VPS54: variants seen among roughly 807,000 people sequenced by gnomAD.
VPS54 encodes VPS54 subunit of GARP complex.
Under a neutral mutation model 121.5 loss-of-function variants are expected in VPS54, and 45 were observed. That is an observed-to-expected ratio of 0.37 (90% CI 0.29 to 0.47). VPS54 has a LOEUF of 0.47. VPS54 is among the 20% of genes least tolerant of loss of function. The probability of loss-of-function intolerance (pLI) is 0.99; values close to 1 mark genes in which losing one functional copy is unlikely to be tolerated. For missense variants in VPS54, 1,090 were observed against 1,131.4 expected, an observed-to-expected ratio of 0.96 and a Z score of 0.52; for synonymous variants, 371 against 385.8, an observed-to-expected ratio of 0.96 and a Z score of 0.45.
chr2:63,958,764 C>T (rs1210423121), intron 7 of VPS54, among the ~76,000 whole-genome samples: 2 of 152,074 alleles, frequency 1.3e-5, no homozygotes, highest in East Asian at 3.9e-4. Context: ...ACAGTATAGC[C>T]AAAAGCAAAA....
Position 63,893,206 on chromosome 2 carries a change from A to G in VPS54, c.*224T>C. Reference sequence around the variant, plus strand: ...TTCCAGAGAGAATGAAAAATGTTATAGACACCTGATCAGTTACTCCTCACT... The same window carrying G: ...TTCCAGAGAGAATGAAAAATGTTATGGACACCTGATCAGTTACTCCTCACT... On this transcript the variant is annotated 3_prime_UTR_variant, in exon 23 of 23. Coordinates refer to ENST00000272322, the MANE Select transcript of VPS54 (RefSeq NM_016516.3). 1.7e-6 allele frequency: 1 copy of G among 584,914 alleles called. No individual in the cohort carries two copies. The allele number at this position is 584,914 out of a possible 1,614,324, so 36.2% of individuals were successfully genotyped here.
Position 63,983,972 on chromosome 2 carries a change from C to A in VPS54, c.28G>T (p.Val10Leu). The change falls in exon 2 of 23, where the codon GTG (valine) becomes TTG (leucine). Residue 10 changes from valine to leucine, a missense_variant. Around this residue, in one of 2 missense-constraint regions of VPS54, gnomAD observed 801 missense variants for 757.0 expected, o/e 1.06. Transcript: ENST00000272322. ...ACATCACTGCTGCTTCCTTGAGGCA[C>A]TGGTGAAGAACTGTGGCTTGAAGCC... is the stretch of plus-strand genomic sequence containing the variant. MASSHSSSP[V>L]PQGSSSDVFF... 1.2e-6 allele frequency: 2 copies of A among 1,613,164 alleles called. No homozygotes were observed. Among genetic ancestry groups the A allele is most frequent in the Non-Finnish European group, 1.7e-6 (2 of 1,179,498 alleles).
chr2:64,000,836 C>A (rs766376369), intron 1 of VPS54, among the ~76,000 whole-genome samples: 1 of 152,180 alleles, frequency 6.6e-6, no homozygotes, highest in Non-Finnish European at 1.5e-5. Flanking sequence ...GAAGCCAGCA[C>A]AGCACTGAGT....
At chr2:63,932,970 T>C (rs1674283233) in intron 12 of VPS54, among the ~76,000 whole-genome samples, 1 of 152,120 alleles carries the variant, frequency 6.6e-6, no homozygotes, top group East Asian at 1.9e-4. Context: ...GGGATAATAG[T>C]GCATCATGTC....
chr2:63,979,242 T>G (rs1278491486), intron 3 of VPS54, among the ~76,000 whole-genome samples: 1 of 127,856 alleles, frequency 7.8e-6, no homozygotes, highest in Non-Finnish European at 1.6e-5. Flanking sequence ...TTTCTGTTTG[T>G]TTTTTTTTTT....
chr2:63,901,527 G>C (rs1225169963), intron 20 of VPS54, among the ~76,000 whole-genome samples: 1 of 152,214 alleles, frequency 6.6e-6, no homozygotes, highest in African/African-American at 2.4e-5. Flanking sequence ...GGATCAAAGG[G>C]AGAAGATCAT....
chr2:63,893,356 C>G lies in VPS54; in HGVS notation c.*74G>C, dbSNP rs751469442. 2.3e-6 allele frequency: 3 copies of G among 1,298,858 alleles called. No individual in the cohort carries two copies. In the African/African-American group the frequency reaches 4.4e-5, roughly 19 times the overall value. 80.5% of individuals were successfully genotyped at this position (1,298,858 alleles called of 1,614,324 possible). On this transcript the variant is annotated 3_prime_UTR_variant, in exon 23 of 23. Transcript: ENST00000272322. ...TGGGTTTCAGGTTCAATTCTCGAAT[C>G]ACAGGCATCCAGATTTTCTTCATAA...
Position 63,921,287 on chromosome 2 carries a change from T to C in VPS54, c.1788A>G (p.Ala596=). ...TATATAATAATTCCTGGATATTATT[T>C]GCCAGCTTTCCTAGCTCTGAGTCAG... ...KLTDSELGKL[A]NNIQELLYSA... The change falls in exon 13 of 23, where the codon GCA becomes GCG. Residue 596 remains alanine, a synonymous_variant. Coordinates refer to ENST00000272322, the MANE Select transcript of VPS54 (RefSeq NM_016516.3). The C allele has an allele frequency of 6.2e-7, 1 of 1,613,338 alleles. No individual in the cohort carries two copies. Among genetic ancestry groups the C allele is most frequent in the Non-Finnish European group, 8.5e-7 (1 of 1,179,564 alleles).
intron 12 of VPS54, among the ~76,000 whole-genome samples, chr2:63,932,601 C>A (rs1674263228): frequency 6.6e-6 from 1 of 151,292 alleles, no homozygotes; most frequent in Non-Finnish European, 1.5e-5. Context: ...CACATGTATA[C>A]CTATGTAACA....
chr2:64,017,179 A>G (rs1455369774), intron 1 of VPS54, among the ~76,000 whole-genome samples: 1 of 151,830 alleles, frequency 6.6e-6, no homozygotes, highest in Non-Finnish European at 1.5e-5. Flanking sequence ...CGTCTCTACT[A>G]AAAATACAAA....
At chr2:63,965,029 T>C (rs1229771199) in intron 6 of VPS54, among the ~76,000 whole-genome samples, 1 of 152,186 alleles carries the variant, frequency 6.6e-6, no homozygotes, top group East Asian at 1.9e-4. Context: ...ACTAGTAACA[T>C]GTAAAAGACT....
intron 20 of VPS54, among the ~76,000 whole-genome samples, chr2:63,908,411 G>T (rs905777363): frequency 2.0e-5 from 3 of 152,138 alleles, no homozygotes; most frequent in Non-Finnish European, 4.4e-5. Flanking sequence ...GGCTGAGTAT[G>T]GGGAGTGAAC....
intron 20 of VPS54, among the ~76,000 whole-genome samples, chr2:63,906,208 G>C (rs1237761392): frequency 6.6e-6 from 1 of 152,212 alleles, no homozygotes; most frequent in South Asian, 2.1e-4. Context: ...AGAAATAAAA[G>C]GTATACAGAT....
chr2:63,901,458 C>T (rs1362797), intron 20 of VPS54, among the ~76,000 whole-genome samples: 118,317 of 152,154 alleles, frequency 0.78, 47,352 homozygotes, highest in African/African-American at 0.89. Flanking sequence ...TAAGGAGAGT[C>T]TGCACTCATG....
chr2:64,013,867 G>GACCATAT (rs2104711562), intron 1 of VPS54, among the ~76,000 whole-genome samples: 1 of 151,530 alleles, frequency 6.6e-6, no homozygotes, highest in African/African-American at 2.4e-5. Context: ...ATTTTTATAT[G>GACCATAT]ATTCTGAAAG....
chr2:63,928,624 G>A (rs147970753), intron 12 of VPS54, among the ~76,000 whole-genome samples: 261 of 152,178 alleles, frequency 1.7e-3, no homozygotes, highest in African/African-American at 5.9e-3. Flanking sequence ...TAACCAGCTA[G>A]CATCATAATG....
At chr2:64,008,960 A>G (rs950939775) in intron 1 of VPS54, among the ~76,000 whole-genome samples, 9 of 152,240 alleles carry the variant, frequency 5.9e-5, no homozygotes, top group African/African-American at 2.2e-4. Context: ...AACGATCTCC[A>G]TTATATGAAT....
intron 1 of VPS54, among the ~76,000 whole-genome samples, chr2:64,013,652 ATATATATTGATATATATATC>A (rs1005973922): frequency 4.8e-5 from 7 of 145,464 alleles, no homozygotes; most frequent in Non-Finnish European, 9.0e-5. Flanking sequence ...CAATATATAG[ATATATATTGATATATATATC>A]TATATATTGA....
At chr2:64,010,051 A>G (rs903272152) in intron 1 of VPS54, among the ~76,000 whole-genome samples, 3 of 152,042 alleles carry the variant, frequency 2.0e-5, no homozygotes, top group African/African-American at 7.3e-5. Flanking sequence ...CATGTTGGCC[A>G]GACTGGTCTC....
Sources: allele counts gnomAD v4.1 joint callset (sites outside exome capture counted in the v4.1 genomes callset), GRCh38; gene constraint gnomAD v4.1.1; regional missense constraint gnomAD v4.1.1; transcripts MANE v1.5; gene names NCBI Gene and HGNC (gene_info 2026-07-23, HGNC 2026-07-21).